Variants in CGGBP1 observed in about 807,000 individuals in gnomAD.
CGGBP1 encodes the protein CGG triplet repeat binding protein 1, also known as CGG triplet repeat-binding protein 1.
In CGGBP1, 4 loss-of-function variants were observed where a neutral mutation model predicts 11.4. The ratio of observed to expected loss-of-function variants is 0.35; its 90% CI spans 0.17 to 0.80. The LOEUF (loss-of-function observed/expected upper bound fraction) is 0.80, where lower values mean the gene tolerates loss of function less well. CGGBP1 is among the 30% of genes least tolerant of loss of function. The pLI is 0.52. For synonymous variants in CGGBP1, 76 were observed against 74.1 expected (o/e 1.03, Z -0.13); for missense variants, 135 against 202.1 (o/e 0.67, Z 2.01).
At chr3:88,102,536 A>C (rs1704486206) in intron 2 of CGGBP1, among the ~76,000 whole-genome samples, 1 of 152,158 alleles carries the variant, frequency 6.6e-6, no homozygotes, top group Admixed American at 6.5e-5. Context: ...TTCTTTACTT[A>C]ACATGGTTAA....
intron 2 of CGGBP1, among the ~76,000 whole-genome samples, chr3:88,072,162 A>T (rs1707551656): frequency 6.6e-6 from 1 of 152,198 alleles, no homozygotes; most frequent in Non-Finnish European, 1.5e-5. Flanking sequence ...CCTTGCTCTA[A>T]AGGAACTGAA....
At chr3:88,135,320 C>T (rs1261075826) in intron 2 of CGGBP1, 3 of 767,232 alleles carry the variant, frequency 3.9e-6, no homozygotes, top group Non-Finnish European at 3.7e-6. Flanking sequence ...GATTTTAAGG[C>T]CACATTCTCC....
At chr3:88,098,224 A>C (rs2107705066) in intron 2 of CGGBP1, among the ~76,000 whole-genome samples, 1 of 152,344 alleles carries the variant, frequency 6.6e-6, no homozygotes, top group South Asian at 2.1e-4. Context: ...TAAACTAGAA[A>C]ATCTAGAAGA....
chr3:88,132,424 G>A (rs1341936763), intron 2 of CGGBP1, among the ~76,000 whole-genome samples: 1 of 152,174 alleles, frequency 6.6e-6, no homozygotes, highest in Non-Finnish European at 1.5e-5. Context: ...AGGAAAACGT[G>A]TATAAGCTTC....
chr3:88,147,735 T>G (rs1485510878), intron 1 of CGGBP1, among the ~76,000 whole-genome samples: 3 of 152,226 alleles, frequency 2.0e-5, no homozygotes, highest in African/African-American at 7.2e-5. Flanking sequence ...AAAAGCATCT[T>G]GACAGGTTTT....
intron 1 of CGGBP1, among the ~76,000 whole-genome samples, chr3:88,145,242 A>C (rs1454190696): frequency 2.6e-4 from 40 of 152,134 alleles, no homozygotes; most frequent in Admixed American, 6.5e-4. Flanking sequence ...AACCGTCCAA[A>C]CTATTAGCTA....
In CGGBP1 at chr3:88,085,330, A is replaced by G. The variant is rs73844860; in HGVS notation, c.-228-27107T>C. On this transcript the variant is annotated intron_variant, in intron 2 of 3. Transcript: ENST00000462901. ...TGTAGCAGGAAAGCAGCCACAGACA[A>G]TACATAAATGGATGAACCTGGTTGT... Among the ~76,000 whole-genome samples the G allele has an allele frequency of 3.2e-3, 488 of 152,338 alleles. 3 individuals carry two copies. The highest frequency in any genetic ancestry group is 0.011 in the African/African-American group (447 of 41,576).
rs969217384 is a variant in CGGBP1, at chr3:88,055,282, A to G, written c.*191T>C. 8.3e-6 allele frequency: 4 copies of G among 481,666 alleles called. No homozygotes were observed. The highest frequency in any genetic ancestry group is 7.9e-5 in the African/African-American group (4 of 50,564). 29.8% of individuals were successfully genotyped at this position (481,666 alleles called of 1,614,324 possible). On this transcript the variant is annotated 3_prime_UTR_variant, in exon 4 of 4. Transcript: ENST00000482016. This position sits in a 1 kb window ranked among gnomAD's most constrained non-coding sequence, Gnocchi z 4.2. ...CTAAACCTAGGTTTTGCTTTATACC[A>G]TTGGTGACTAAAATTAACAATAAGT...
rs552509489 is a variant in CGGBP1 at position 88,103,860 on chromosome 3, G to A, written c.-229+37110C>T. ...TGGCTCACTGCAACCTCTGCCTCTC[G>A]GGGTCAAGCGATTCTTCTGCCTCAG... is the stretch of plus-strand genomic sequence containing the variant. On this transcript the variant is annotated intron_variant, in intron 2 of 3. Coordinates refer to the CGGBP1 transcript ENST00000462901. Among the ~76,000 whole-genome samples the A allele has an allele frequency of 4.0e-5, 6 of 150,458 alleles. No individual in the cohort carries two copies. The East Asian group carries it at 7.9e-4, about 20-fold the overall frequency.
At chr3:88,119,816 A>G (rs1342316323) in intron 2 of CGGBP1, among the ~76,000 whole-genome samples, 2 of 152,264 alleles carry the variant, frequency 1.3e-5, no homozygotes, top group South Asian at 2.1e-4. Context: ...TAAAATGCTA[A>G]TGATAGGGTT....
At chr3:88,086,225 C>T (rs537913954) in intron 2 of CGGBP1, 2 of 1,498,930 alleles carry the variant, frequency 1.3e-6, no homozygotes, top group East Asian at 4.9e-5. Context: ...AGAACTTTTT[C>T]TATAGTAATG....
chr3:88,083,049 C>T (rs1337036601), intron 2 of CGGBP1, among the ~76,000 whole-genome samples: 4 of 151,878 alleles, frequency 2.6e-5, no homozygotes, highest in African/African-American at 9.7e-5. Flanking sequence ...CTCACTCCTC[C>T]TCCCTCTTCC....
intron 1 of CGGBP1, among the ~76,000 whole-genome samples, chr3:88,144,866 C>T (rs1707279774): frequency 6.6e-6 from 1 of 151,816 alleles, no homozygotes; most frequent in East Asian, 1.9e-4. Context: ...CATTTTTGGA[C>T]ATTTTAACGA....
At position 88,116,559 on chromosome 3, in the gene CGGBP1, T is replaced by TAC. The variant is rs140401038; in HGVS notation, c.-229+24410_-229+24411insGT. On this transcript the variant is annotated intron_variant, in intron 2 of 3. Coordinates refer to the CGGBP1 transcript ENST00000462901. ...AAAAATACATACATACATACATATATATACACACACACACACACATGCACA... is the reference window on the plus strand; with the variant it reads ...AAAAATACATACATACATACATATATACATACACACACACACACACATGCACA... Among the ~76,000 whole-genome samples the TAC allele has an allele frequency of 5.5e-3, 807 of 146,650 alleles. 5 individuals carry two copies. Among genetic ancestry groups the TAC allele is most frequent in the African/African-American group, 0.017 (695 of 39,772 alleles).
intron 2 of CGGBP1, among the ~76,000 whole-genome samples, chr3:88,101,014 G>C (rs556559547): frequency 9.9e-5 from 15 of 152,232 alleles, no homozygotes; most frequent in African/African-American, 3.6e-4. Context: ...AAAAGTAGTA[G>C]AAGCAACTAT....
At chr3:88,093,869 GC>G (rs1703893194) in intron 2 of CGGBP1, among the ~76,000 whole-genome samples, 1 of 152,086 alleles carries the variant, frequency 6.6e-6, no homozygotes, top group Non-Finnish European at 1.5e-5. Context: ...CGGGGGCTGG[GC>G]CCCACAAAAG....
At chr3:88,106,978 C>T (rs531399717) in intron 2 of CGGBP1, among the ~76,000 whole-genome samples, 3 of 152,076 alleles carry the variant, frequency 2.0e-5, no homozygotes. Flanking sequence ...TTTGTCTGTT[C>T]GTGTGCCAAC....
chr3:88,076,246 T>C (rs903214915), intron 2 of CGGBP1, among the ~76,000 whole-genome samples: 1 of 152,238 alleles, frequency 6.6e-6, no homozygotes, highest in Non-Finnish European at 1.5e-5. Flanking sequence ...TTTTGCCATA[T>C]TGCCATAGTT....
chr3:88,077,073 A>G (rs1389968764), intron 2 of CGGBP1, among the ~76,000 whole-genome samples: 2 of 152,190 alleles, frequency 1.3e-5, no homozygotes, highest in Non-Finnish European at 2.9e-5. Flanking sequence ...TTTTTGAGAT[A>G]GAGTAAGTTC....
Sources: allele counts gnomAD v4.1 joint callset (sites outside exome capture counted in the v4.1 genomes callset), GRCh38; gene constraint gnomAD v4.1.1; non-coding constraint Gnocchi (gnomAD v3.1); transcripts MANE v1.5; gene names NCBI Gene and HGNC (gene_info 2026-07-23, HGNC 2026-07-21).